PLEKHA5: variants seen among roughly 807,000 people sequenced by gnomAD.
PLEKHA5 encodes the protein pleckstrin homology domain-containing family A member 5.
In PLEKHA5, 55 loss-of-function variants were observed where a neutral mutation model predicts 181.9. The ratio of observed to expected loss-of-function variants is 0.30; its 90% CI spans 0.24 to 0.38. The LOEUF is 0.38. PLEKHA5 is among the 10% of genes least tolerant of loss of function. The pLI is 1.00. For missense variants in PLEKHA5, 1,432 were observed against 1,549.5 expected (o/e 0.92, Z 1.27); for synonymous variants, 535 against 529.4 (o/e 1.01, Z -0.15).
chr12:19,211,554 T>C (rs1279695326), intron 3 of PLEKHA5, among the ~76,000 whole-genome samples: 1 of 152,152 alleles, frequency 6.6e-6, no homozygotes, highest in Non-Finnish European at 1.5e-5. Context: ...CACCTTAATA[T>C]CTGCCCATTA....
Position 19,366,213 on chromosome 12 carries a change from G to C in PLEKHA5, c.3754+104G>C, listed in dbSNP as rs571807433. ...AAGAAGGGAATCGCTTAAGTACCTT[G>C]ACTACAGATGAGTCAACGTTTGCCT... On this transcript the variant is annotated intron_variant, in intron 30 of 31. Transcript: ENST00000429027. 2.0e-5 allele frequency: 18 copies of C among 911,536 alleles called. No homozygotes were observed. In the African/African-American group the frequency reaches 2.9e-4, roughly 15 times the overall value. 56.5% of individuals were successfully genotyped at this position (911,536 alleles called of 1,614,324 possible).
intron 3 of PLEKHA5, among the ~76,000 whole-genome samples, chr12:19,194,978 G>T (rs1454439851): frequency 6.6e-6 from 1 of 152,140 alleles, no homozygotes; most frequent in Non-Finnish European, 1.5e-5. Flanking sequence ...ACATAAAATA[G>T]CTACCGTCTA....
intron 13 of PLEKHA5, among the ~76,000 whole-genome samples, chr12:19,288,561 C>T (rs372340435): frequency 6.6e-6 from 1 of 152,172 alleles, no homozygotes; most frequent in Non-Finnish European, 1.5e-5. Flanking sequence ...ATTTAAAATT[C>T]TCTTCCTGCA....
At chr12:19,365,716 T>G (rs2095406222) in intron 29 of PLEKHA5, among the ~76,000 whole-genome samples, 1 of 152,050 alleles carries the variant, frequency 6.6e-6, no homozygotes, top group Non-Finnish European at 1.5e-5. Flanking sequence ...CTTTAAATGG[T>G]TTAGGGAGCA....
intron 15 of PLEKHA5, among the ~76,000 whole-genome samples, chr12:19,301,509 C>T (rs981477766): frequency 3.3e-5 from 5 of 151,128 alleles, no homozygotes; most frequent in African/African-American, 9.7e-5. Flanking sequence ...AAAAAAAAAT[C>T]AGATCTGTAA....
intron 20 of PLEKHA5, among the ~76,000 whole-genome samples, chr12:19,331,502 G>A (rs1017819007): frequency 6.6e-6 from 1 of 152,058 alleles, no homozygotes; most frequent in African/African-American, 2.4e-5. Context: ...ACCATGCCCG[G>A]CCATTAATCC....
intron 3 of PLEKHA5, among the ~76,000 whole-genome samples, chr12:19,163,980 A>G (rs2043630638): frequency 6.6e-6 from 1 of 152,030 alleles, no homozygotes; most frequent in Non-Finnish European, 1.5e-5. Flanking sequence ...GGTAACCATT[A>G]TTCTTCTCTC....
chr12:19,207,503 A>G (rs1284997301), intron 3 of PLEKHA5: 1 of 152,178 alleles, frequency 6.6e-6, no homozygotes, highest in Admixed American at 6.5e-5. Context: ...ACATCTACCC[A>G]TTAAGGAACA....
intron 15 of PLEKHA5, among the ~76,000 whole-genome samples, chr12:19,314,021 C>T (rs1052381815): frequency 3.9e-5 from 6 of 152,056 alleles, no homozygotes; most frequent in Non-Finnish European, 5.9e-5. Flanking sequence ...ACAGACCTGT[C>T]GACTTACAAA....
At chr12:19,162,437 C>T (rs1183966668) in intron 3 of PLEKHA5, among the ~76,000 whole-genome samples, 1 of 152,090 alleles carries the variant, frequency 6.6e-6, no homozygotes, top group Non-Finnish European at 1.5e-5. Context: ...GCTAATTTTA[C>T]ATACATTAAT....
At chr12:19,353,847 G>T in intron 25 of PLEKHA5, 37 bp from the exon 26 acceptor site, 2 of 895,308 alleles carry the variant, frequency 2.2e-6, no homozygotes, top group South Asian at 1.4e-5. Context: ...CTGTATAAAA[G>T]ATGTTTTGTA....
At chr12:19,339,542 G>A (rs960799743) in intron 21 of PLEKHA5, among the ~76,000 whole-genome samples, 1 of 152,092 alleles carries the variant, frequency 6.6e-6, no homozygotes, top group African/African-American at 2.4e-5. Flanking sequence ...TTCATGGATG[G>A]TCTGATTTAA....
Position 19,348,447 on chromosome 12 carries a change from G to A in PLEKHA5, c.2947G>A (p.Ala983Thr), listed in dbSNP as rs768862120. Residue 983 changes from alanine (A) to threonine (T), a missense_variant, in exon 25 of 32, where the codon GCA becomes ACA. Around this residue, in one of 2 missense-constraint regions of PLEKHA5, gnomAD observed 1,143 missense variants for 1,168.4 expected, o/e 0.98. Coordinates refer to ENST00000429027, the MANE Select transcript of PLEKHA5 (RefSeq NM_001256470.2). ...GAGTGAACCAGAGTTAACAACAGTG[G>A]CAGAAGTTGATGAATCTAATGGAGA... Reference protein sequence around the residue: ...YKSEPELTTVAEVDESNGEEK... With the variant: ...YKSEPELTTVTEVDESNGEEK... 6.3e-7 allele frequency: 1 copy of A among 1,582,528 alleles called. No homozygotes were observed. The highest frequency in any genetic ancestry group is 8.6e-7 in the Non-Finnish European group (1 of 1,165,654).
At chr12:19,173,005 C>CTTTTT (rs71064064) in intron 3 of PLEKHA5, among the ~76,000 whole-genome samples, 1,888 of 33,500 alleles carry the variant, frequency 0.056, 687 homozygotes, top group Non-Finnish European at 0.073. Flanking sequence ...ATTTCCCTTT[C>CTTTTT]TTTTTTTTTT....
At chr12:19,224,522 C>G (rs141281791) in intron 3 of PLEKHA5, among the ~76,000 whole-genome samples, 14 of 152,208 alleles carry the variant, frequency 9.2e-5, no homozygotes, top group African/African-American at 3.1e-4. Flanking sequence ...GGAACACCTA[C>G]CTTCTTTACA....
chr12:19,180,837 CTG>C (rs2048367758), intron 3 of PLEKHA5, among the ~76,000 whole-genome samples: 1 of 148,886 alleles, frequency 6.7e-6, no homozygotes, highest in African/African-American at 2.5e-5. Context: ...ATTCCTGAGA[CTG>C]TGCTTTATAT....
chr12:19,240,947 G>A (rs899883017), intron 3 of PLEKHA5, among the ~76,000 whole-genome samples: 2 of 152,084 alleles, frequency 1.3e-5, no homozygotes, highest in Non-Finnish European at 2.9e-5. Flanking sequence ...AATATACCCT[G>A]TGAGCATTTT....
intron 12 of PLEKHA5, among the ~76,000 whole-genome samples, chr12:19,284,375 A>G (rs1428827242): frequency 6.6e-6 from 1 of 152,058 alleles, no homozygotes; most frequent in Non-Finnish European, 1.5e-5. Flanking sequence ...GGCCTAGACC[A>G]CATTCATTTT....
At chr12:19,341,332 G>A (rs572541233) in intron 21 of PLEKHA5, among the ~76,000 whole-genome samples, 1 of 152,238 alleles carries the variant, frequency 6.6e-6, no homozygotes, top group East Asian at 1.9e-4. Context: ...CCAGAGAAAT[G>A]CAAATAAAAT....
Sources: gnomAD v4.1 joint callset for allele counts (sites outside exome capture counted in the v4.1 genomes callset) on GRCh38, gnomAD v4.1.1 for gene constraint, gnomAD v4.1.1 regional missense constraint, MANE v1.5 for transcripts, NCBI Gene and HGNC (gene_info 2026-07-23, HGNC 2026-07-21) for gene names.